SAMD5: variants seen among roughly 807,000 people sequenced by gnomAD.
SAMD5 encodes sterile alpha motif domain containing 5.
In SAMD5, 13 loss-of-function variants were observed where a neutral mutation model predicts 11.3. That is an observed-to-expected ratio of 1.15 (90% CI 0.75 to 1.83). SAMD5 has a LOEUF of 1.83. Among genes scored for constraint, SAMD5 ranks in the 40% most tolerant of loss-of-function variants. SAMD5 has a pLI of 0.00. For synonymous variants in SAMD5, 129 were observed against 111.3 expected (o/e 1.16, Z -1.00); for missense variants, 255 against 239.1 (o/e 1.07, Z -0.44).
chr6:147,574,740 T>C (rs1017484188), downstream of SAMD5, among the ~76,000 whole-genome samples: 1 of 152,146 alleles, frequency 6.6e-6, no homozygotes, highest in Non-Finnish European at 1.5e-5. Context: ...GGCAGAAGGG[T>C]AAGAGACTGA....
chr6:147,624,256 A>G (rs2128450576), intron 1 of SAMD5, among the ~76,000 whole-genome samples: 1 of 152,292 alleles, frequency 6.6e-6, no homozygotes, highest in East Asian at 1.9e-4. Flanking sequence ...GAGTGTGCTC[A>G]GAAGGCCGAG....
chr6:147,582,513 T>C (rs1461925131), intron 1 of SAMD5, among the ~76,000 whole-genome samples: 1 of 152,184 alleles, frequency 6.6e-6, no homozygotes, highest in African/African-American at 2.4e-5. Flanking sequence ...AACGTTCTCA[T>C]AAAAAGCATC....
chr6:147,510,821 A>G (rs200772372), intron 1 of SAMD5, among the ~76,000 whole-genome samples: 1 of 152,348 alleles, frequency 6.6e-6, no homozygotes. Context: ...CACGTGTTCC[A>G]GTTACCCACT....
intron 1 of SAMD5, among the ~76,000 whole-genome samples, chr6:147,638,293 T>C (rs954423556): frequency 6.6e-5 from 10 of 152,244 alleles, no homozygotes; most frequent in African/African-American, 2.4e-4. Context: ...AGCATTAGCA[T>C]TAGTCCATTT....
At chr6:147,852,767 A>G in the SAMD5 span, among the ~76,000 whole-genome samples, 2 of 152,168 alleles carry the variant, frequency 1.3e-5, no homozygotes, top group Non-Finnish European at 2.9e-5. Flanking sequence ...AAAAAATACT[A>G]AGGAGATAGC....
At chr6:147,905,790 A>T in the SAMD5 span, among the ~76,000 whole-genome samples, 2 of 152,226 alleles carry the variant, frequency 1.3e-5, no homozygotes, top group Admixed American at 6.5e-5. Flanking sequence ...GGCCCCCAAG[A>T]TAATTTTCTT....
chr6:147,525,950 G>T (rs1788332259), intron 1 of SAMD5, among the ~76,000 whole-genome samples: 1 of 152,108 alleles, frequency 6.6e-6, no homozygotes, highest in African/African-American at 2.4e-5. Flanking sequence ...CAAGCAGCAG[G>T]TATAGGCCCA....
the SAMD5 span, among the ~76,000 whole-genome samples, chr6:147,795,356 G>A: frequency 2.1e-5 from 3 of 141,318 alleles, no homozygotes; most frequent in Non-Finnish European, 4.6e-5. Flanking sequence ...CAGAATGATG[G>A]TTTCCAATTT....
chr6:147,723,280 TAGC>T (rs1443830751), intron 1 of SAMD5, among the ~76,000 whole-genome samples: 8 of 152,124 alleles, frequency 5.3e-5, no homozygotes, highest in African/African-American at 1.9e-4. Flanking sequence ...GGTCTTGGAG[TAGC>T]AGATGTCTTT....
the SAMD5 span, among the ~76,000 whole-genome samples, chr6:147,809,436 A>G: frequency 6.6e-6 from 1 of 152,190 alleles, no homozygotes; most frequent in Non-Finnish European, 1.5e-5. Flanking sequence ...TGGGCACTCC[A>G]TGAAACAGGC....
Position 147,643,968 on chromosome 6 carries a change from A to G in SAMD5, c.163-93349A>G, listed in dbSNP as rs182139476. On this transcript the variant is annotated intron_variant, in intron 1 of 1. Coordinates refer to the SAMD5 transcript ENST00000566741. ...GGGTTAACTAGTGTTGTAGGTCCAA[A>G]GTAACTGGATTTAAATGTCATACAT... is the stretch of plus-strand genomic sequence containing the variant. Among the ~76,000 whole-genome samples the G allele has an allele frequency of 8.8e-4, 128 of 145,562 alleles. 1 individual carries two copies. Among genetic ancestry groups the G allele is most frequent in the Non-Finnish European group, 7.7e-5 (5 of 65,010 alleles).
intron 1 of SAMD5, among the ~76,000 whole-genome samples, chr6:147,524,624 G>A (rs1298792610): frequency 1.3e-5 from 2 of 151,996 alleles, no homozygotes; most frequent in African/African-American, 2.4e-5. Flanking sequence ...TTCTCTGCTT[G>A]CTTGAACCAC....
At chr6:147,646,014 GTATCTATCTATGTATCTATCTATC>G (rs201486082) in intron 1 of SAMD5, among the ~76,000 whole-genome samples, 1,039 of 55,516 alleles carry the variant, frequency 0.019, 10 homozygotes, top group Non-Finnish European at 0.032. Flanking sequence ...GTCTGTCTAT[GTATCTATCTATGTATCTATCTATC>G]TATCTATCTA....
At chr6:147,529,675 C>T (rs989197775) in intron 1 of SAMD5, among the ~76,000 whole-genome samples, 3 of 152,162 alleles carry the variant, frequency 2.0e-5, no homozygotes, top group African/African-American at 7.2e-5. Context: ...GTCATTTTTA[C>T]TTTCTGCCTA....
chr6:147,509,342 C>A lies in SAMD5; in HGVS notation c.414C>A (p.Leu138=), dbSNP rs1199841910. ...TGAAGATCATGATCAGGGATAAGCT[C>A]GTCCGTGACGGCATCCACCTGAGCA... ...LKLKIMIRDK[L]VRDGIHLSKP... is the part of the protein sequence containing the mutation. The change falls in exon 1 of 2, where the codon CTC becomes CTA. Residue 138 remains leucine, a synonymous_variant. Transcript: ENST00000367474. 12 of 1,579,860 alleles carry A rather than the reference C, an allele frequency of 7.6e-6. No homozygotes were observed. The South Asian group carries it at 1.4e-4, about 18-fold the overall frequency.
At chr6:147,896,675 G>A in the SAMD5 span, among the ~76,000 whole-genome samples, 1 of 135,348 alleles carries the variant, frequency 7.4e-6, no homozygotes, top group African/African-American at 2.9e-5. Flanking sequence ...TCTTCAAGTG[G>A]AAATATTATA....
At position 147,659,247 on chromosome 6, in the gene SAMD5, T is replaced by A. The variant is rs188676407; in HGVS notation, c.163-78070T>A. Among the ~76,000 whole-genome samples, 3 of 139,920 alleles carry A rather than the reference T, an allele frequency of 2.1e-5. No homozygotes were observed. In the East Asian group the frequency reaches 6.1e-4, roughly 28 times the overall value. The allele number at this position is 139,920 out of a possible 152,430, so 91.8% of individuals were successfully genotyped here. On this transcript the variant is annotated intron_variant, in intron 1 of 1. Coordinates refer to the SAMD5 transcript ENST00000566741. Reference sequence around the variant, plus strand: ...AAGTAAAATTGGGAAACAGGGCATGTTCTCAGTACATTTAAAAAAAAATAA... The same window carrying A: ...AAGTAAAATTGGGAAACAGGGCATGATCTCAGTACATTTAAAAAAAAATAA...
intron 1 of SAMD5, among the ~76,000 whole-genome samples, chr6:147,637,692 T>A (rs1302585980): frequency 6.6e-6 from 1 of 152,192 alleles, no homozygotes; most frequent in African/African-American, 2.4e-5. Flanking sequence ...TTTTCTAAAT[T>A]GACCCTCATA....
At position 147,592,593 on chromosome 6, in the gene SAMD5, G is replaced by A. The variant is rs529931571; in HGVS notation, c.162+83206G>A. Among the ~76,000 whole-genome samples the A allele has an allele frequency of 4.3e-4, 65 of 152,020 alleles. No individual in the cohort carries two copies. The South Asian group carries it at 0.013, about 30-fold the overall frequency. Reference sequence around the variant, plus strand: ...CTCAATTCAGATAGACTCTATGCTCGTAAAAGCCTAGGTTCATGTGTTAAT... The same window carrying A: ...CTCAATTCAGATAGACTCTATGCTCATAAAAGCCTAGGTTCATGTGTTAAT... On this transcript the variant is annotated intron_variant, in intron 1 of 1. Transcript: ENST00000566741.
Sources: allele counts gnomAD v4.1 joint callset (sites outside exome capture counted in the v4.1 genomes callset), GRCh38; gene constraint gnomAD v4.1.1; transcripts MANE v1.5; gene names NCBI Gene and HGNC (gene_info 2026-07-23, HGNC 2026-07-21).